The following APP variants were observed in gnomAD, a reference collection of about 807,000 sequenced individuals.
APP encodes amyloid beta precursor protein.
Under a neutral mutation model 101.4 loss-of-function variants are expected in APP, and 31 were observed. The observed-to-expected ratio is 0.31, with a 90% CI of 0.23 to 0.41. The LOEUF (loss-of-function observed/expected upper bound fraction) is 0.41. Among genes scored for constraint, APP ranks in the 10% least tolerant of loss-of-function variants. The pLI is 1.00. For synonymous variants in APP, 366 were observed against 364.4 expected, an observed-to-expected ratio of 1.00 and a Z score of -0.05; for missense variants, 839 against 1,003.7, an observed-to-expected ratio of 0.84 and a Z score of 2.22.
At chr21:26,007,551 A>T (rs1012078815) in intron 6 of APP, among the ~76,000 whole-genome samples, 2 of 150,582 alleles carry the variant, frequency 1.3e-5, no homozygotes, top group African/African-American at 4.9e-5. Context: ...TCTGAGCTCA[A>T]TGTAGTTCAT....
At chr21:25,971,778 T>C (rs775048931) in intron 11 of APP, among the ~76,000 whole-genome samples, 2 of 152,208 alleles carry the variant, frequency 1.3e-5, no homozygotes, top group Non-Finnish European at 2.9e-5. Flanking sequence ...TTAACATTCA[T>C]GGTAGATGAC....
At chr21:26,026,225 C>T (rs1482345705) in intron 5 of APP, among the ~76,000 whole-genome samples, 3 of 152,228 alleles carry the variant, frequency 2.0e-5, no homozygotes, top group African/African-American at 7.2e-5. Context: ...ACCACATTCG[C>T]AGACTTTAGT....
At chr21:26,137,040 T>A (rs1191066445) in intron 1 of APP, among the ~76,000 whole-genome samples, 2 of 99,664 alleles carry the variant, frequency 2.0e-5, no homozygotes, top group African/African-American at 1.4e-4. Context: ...GTTCAAGAGA[T>A]CCTCCCGCCT....
At position 26,094,704 on chromosome 21, in the gene APP, C is replaced by T. The variant is rs1440625478; in HGVS notation, c.226-4632G>A. On this transcript the variant is annotated intron_variant, in intron 2 of 17. Transcript: ENST00000346798. ...ATTTCATCAGAAATACAAATGTTCT[C>T]GTGGCTAGATTAAGTTCCTGATTTT... is the stretch of plus-strand genomic sequence containing the variant. Among the ~76,000 whole-genome samples the T allele has an allele frequency of 4.6e-5, 7 of 151,140 alleles. No homozygotes were observed. In the East Asian group the frequency reaches 1.2e-3, roughly 25 times the overall value.
intron 9 of APP, among the ~76,000 whole-genome samples, chr21:25,978,980 G>A (rs2042324614): frequency 6.6e-6 from 1 of 152,010 alleles, no homozygotes; most frequent in African/African-American, 2.4e-5. Flanking sequence ...AAACCTATGA[G>A]TTGGGTCAGC....
chr21:26,061,449 T>C (rs1287195557), intron 3 of APP, among the ~76,000 whole-genome samples: 1 of 152,236 alleles, frequency 6.6e-6, no homozygotes, highest in Non-Finnish European at 1.5e-5. Flanking sequence ...AATGTGCTCA[T>C]TATATGCTAT....
chr21:25,953,645 C>A (rs1167469232), intron 13 of APP, among the ~76,000 whole-genome samples: 3 of 152,146 alleles, frequency 2.0e-5, no homozygotes, highest in Non-Finnish European at 4.4e-5. Flanking sequence ...GGTACATATG[C>A]TTATATTGAA....
At chr21:25,948,035 T>G (rs1303037736) in intron 13 of APP, among the ~76,000 whole-genome samples, 1 of 151,114 alleles carries the variant, frequency 6.6e-6, no homozygotes, top group Non-Finnish European at 1.5e-5. Flanking sequence ...AGTTCTTATG[T>G]CCAAATACTT....
chr21:25,951,709 A>C (rs1399830389), intron 13 of APP, among the ~76,000 whole-genome samples: 1 of 152,236 alleles, frequency 6.6e-6, no homozygotes. Flanking sequence ...TGAAGAACCT[A>C]TTTAGAAAGT....
chr21:26,148,373 G>A (rs2063195578), intron 1 of APP, among the ~76,000 whole-genome samples: 1 of 152,178 alleles, frequency 6.6e-6, no homozygotes, highest in Non-Finnish European at 1.5e-5. Context: ...GATGGAGAGA[G>A]CTGTGTCCCG....
At chr21:25,915,353 TA>T (rs1029058806) in intron 13 of APP, among the ~76,000 whole-genome samples, 34 of 152,230 alleles carry the variant, frequency 2.2e-4, no homozygotes, top group African/African-American at 8.2e-4. Context: ...CAGGCATTAT[TA>T]ATCTGATGGG....
chr21:25,925,654 GCTGGGCGTGGTGGCTCACGCCTGTAACC>G (rs2039859949), intron 13 of APP, among the ~76,000 whole-genome samples: 1 of 152,186 alleles, frequency 6.6e-6, no homozygotes, highest in Admixed American at 6.5e-5. Flanking sequence ...AAACATAATG[GCTGGGCGTGGTGGCTCACGCCTGTAACC>G]CCAGCACTTT....
intron 3 of APP, among the ~76,000 whole-genome samples, chr21:26,063,351 G>A (rs1289091343): frequency 6.6e-6 from 1 of 152,130 alleles, no homozygotes; most frequent in Non-Finnish European, 1.5e-5. Flanking sequence ...TATCAACTGA[G>A]AAGTCTTAAA....
intron 1 of APP, among the ~76,000 whole-genome samples, chr21:26,147,725 A>G (rs1280771488): frequency 1.3e-5 from 2 of 152,150 alleles, no homozygotes; most frequent in Admixed American, 1.3e-4. Flanking sequence ...AAGCACTTGG[A>G]TGCAGCTACA....
intron 13 of APP, among the ~76,000 whole-genome samples, chr21:25,953,197 T>G (rs1447562100): frequency 6.6e-6 from 1 of 152,194 alleles, no homozygotes; most frequent in Non-Finnish European, 1.5e-5. Context: ...CCTCCCAAAG[T>G]TCTGGGACAC....
intron 3 of APP, among the ~76,000 whole-genome samples, chr21:26,072,672 A>C (rs2061429051): frequency 6.6e-6 from 1 of 152,176 alleles, no homozygotes. Flanking sequence ...AAGCAAAAAC[A>C]ACAAAAATAG....
chr21:26,101,484 G>T (rs2062057105), intron 2 of APP, among the ~76,000 whole-genome samples: 1 of 152,114 alleles, frequency 6.6e-6, no homozygotes, highest in Non-Finnish European at 1.5e-5. Context: ...TACAACACTT[G>T]CCTGTGTGTT....
chr21:26,066,015 G>A (rs746989926), intron 3 of APP, among the ~76,000 whole-genome samples: 9 of 152,074 alleles, frequency 5.9e-5, no homozygotes, highest in African/African-American at 1.9e-4. Flanking sequence ...TCTGGGACGC[G>A]CCTGAAAACA....
chr21:26,080,434 A>AT (rs927874892), intron 3 of APP, among the ~76,000 whole-genome samples: 4 of 151,548 alleles, frequency 2.6e-5, no homozygotes, highest in African/African-American at 4.8e-5. Flanking sequence ...CTTTCTGCTC[A>AT]TTTTTTTTAC....
Sources: gnomAD v4.1 joint callset for allele counts (sites outside exome capture counted in the v4.1 genomes callset) on GRCh38, gnomAD v4.1.1 for gene constraint, MANE v1.5 for transcripts, NCBI Gene and HGNC (gene_info 2026-07-23, HGNC 2026-07-21) for gene names.